Variants in HORMAD2 observed in about 807,000 individuals in gnomAD.
The protein encoded by HORMAD2 is HORMA domain-containing protein 2.
In HORMAD2, 45 loss-of-function variants were observed where a neutral mutation model predicts 38.8. That is an observed-to-expected ratio of 1.16 (90% CI 0.91 to 1.49). The LOEUF (loss-of-function observed/expected upper bound fraction) is 1.49, where lower values mean the gene tolerates loss of function less well. Ranked by LOEUF, HORMAD2 falls within the 40% of genes most tolerant of loss-of-function variation. The pLI, the probability that HORMAD2 is intolerant of heterozygous loss-of-function variation, is 0.00. For missense variants in HORMAD2, 338 were observed against 367.0 expected (o/e 0.92, Z 0.65); for synonymous variants, 126 against 122.8 (o/e 1.03, Z -0.17).
chr22:30,115,865 C>G (rs1402865841), intron 7 of HORMAD2, among the ~76,000 whole-genome samples: 4 of 152,068 alleles, frequency 2.6e-5, no homozygotes, highest in Non-Finnish European at 4.4e-5. Flanking sequence ...TGAGAGGCTA[C>G]TGTTTGAGCT....
intron 8 of HORMAD2, among the ~76,000 whole-genome samples, chr22:30,120,843 G>A (rs927575184): frequency 6.6e-6 from 1 of 152,168 alleles, no homozygotes; most frequent in African/African-American, 2.4e-5. Context: ...AAGTGGAAAA[G>A]CACAGTACAA....
chr22:30,178,268 A>G (rs1926565306), downstream of HORMAD2, among the ~76,000 whole-genome samples: 1 of 152,228 alleles, frequency 6.6e-6, no homozygotes, highest in Non-Finnish European at 1.5e-5. Flanking sequence ...TCAAATCTGA[A>G]TCTATCTAGA....
intron 1 of HORMAD2, among the ~76,000 whole-genome samples, chr22:30,085,168 A>G (rs1224731926): frequency 1.3e-5 from 2 of 151,936 alleles, no homozygotes; most frequent in Non-Finnish European, 2.9e-5. Flanking sequence ...AATGAGCTAA[A>G]CAAGACACAA....
At chr22:30,079,126 T>C (rs113690704), upstream of HORMAD2, among the ~76,000 whole-genome samples, 1 of 152,226 alleles carries the variant, frequency 6.6e-6, no homozygotes, top group Admixed American at 6.5e-5. Flanking sequence ...AGTTTTTTTT[T>C]TCTTTCCTGC....
chr22:30,082,826 A>G (rs923797437), intron 1 of HORMAD2, among the ~76,000 whole-genome samples: 1 of 151,936 alleles, frequency 6.6e-6, no homozygotes, highest in Non-Finnish European at 1.5e-5. Flanking sequence ...AAAAGAAAAG[A>G]AAATGAATAC....
the HORMAD2 span, chr22:30,207,131 G>A: frequency 2.1e-6 from 1 of 469,862 alleles, no homozygotes; most frequent in Non-Finnish European, 4.4e-6. Context: ...GGAATGCAGA[G>A]AATGTGGCTC....
chr22:30,135,030 G>C (rs1923561711), intron 10 of HORMAD2, among the ~76,000 whole-genome samples: 1 of 152,094 alleles, frequency 6.6e-6, no homozygotes, highest in South Asian at 2.1e-4. Flanking sequence ...GCATGTCCAA[G>C]GTTGCCCAAC....
In HORMAD2 at chr22:30,103,649, A is replaced by ATTTTTTTT. The variant is rs71198524; in HGVS notation, c.257+173_257+180dup. 3.0e-3 allele frequency: 224 copies of ATTTTTTTT among 75,326 alleles called. 43 individuals are homozygous for ATTTTTTTT. Among genetic ancestry groups the ATTTTTTTT allele is most frequent in the African/African-American group, 0.012 (90 of 7,690 alleles). The allele number at this position is 75,326 out of a possible 1,614,324, so 4.7% of individuals were successfully genotyped here. A position where few individuals can be genotyped will look rare whatever the true frequency, so the allele number is the denominator to read the frequency against. ...CTTTCTTTTTCTTTTTCTGTTTTTG[A>ATTTTTTTT]TTTTTTTTTTTTTTTTTTTTTTTTT... On this transcript the variant is annotated intron_variant, in intron 4 of 10. Transcript: ENST00000336726.
Position 30,171,517 on chromosome 22 carries a change from C to T in HORMAD2, c.820-4546C>T, listed in dbSNP as rs117711104. On this transcript the variant is annotated intron_variant, in intron 10 of 10. Coordinates refer to ENST00000336726, the MANE Select transcript of HORMAD2 (RefSeq NM_152510.4). The stretch of plus-strand genomic sequence containing the variant: ...ATATCTCTCAATTTTAACTTCTCTC[C>T]ATCTCCACTGCCATGCAAGTTATCA... Among the ~76,000 whole-genome samples, 282 of 152,242 alleles carry T rather than the reference C, an allele frequency of 1.9e-3. 1 individual carries two copies. The highest frequency in any genetic ancestry group is 3.1e-3 in the Non-Finnish European group (208 of 68,022).
intron 10 of HORMAD2, among the ~76,000 whole-genome samples, chr22:30,163,077 G>A (rs1425178569): frequency 2.6e-5 from 4 of 152,120 alleles, no homozygotes; most frequent in South Asian, 4.1e-4. Flanking sequence ...CTTAACATAC[G>A]TCTTACAGAT....
At chr22:30,088,234 C>CATATAT (rs1662095390) in intron 1 of HORMAD2, among the ~76,000 whole-genome samples, 1 of 148,994 alleles carries the variant, frequency 6.7e-6, no homozygotes, top group African/African-American at 2.5e-5. Context: ...TACATATATA[C>CATATAT]ACACATATAT....
intron 4 of HORMAD2, among the ~76,000 whole-genome samples, chr22:30,103,786 C>T (rs956476166): frequency 1.3e-5 from 2 of 149,876 alleles, no homozygotes; most frequent in East Asian, 3.9e-4. Flanking sequence ...CTCAGCCTCC[C>T]GGGTAGCTGG....
At position 30,102,805 on chromosome 22, in the gene HORMAD2, T is replaced by A. The variant is rs529070707; in HGVS notation, c.194-632T>A. On this transcript the variant is annotated intron_variant, in intron 3 of 10. Coordinates refer to ENST00000336726, the MANE Select transcript of HORMAD2 (RefSeq NM_152510.4). ...TATGCCCAGATAATTTTTTTAATTA[T>A]TTTTTTTAGAGGTGAGGTTTCACTA... Among the ~76,000 whole-genome samples the A allele has an allele frequency of 2.0e-5, 3 of 151,976 alleles. No homozygotes were observed. The South Asian group carries it at 6.3e-4, about 32-fold the overall frequency.
At chr22:30,167,336 T>G (rs1317612348) in intron 10 of HORMAD2, among the ~76,000 whole-genome samples, 1 of 152,198 alleles carries the variant, frequency 6.6e-6, no homozygotes, top group African/African-American at 2.4e-5. Flanking sequence ...ATTTTTGCCA[T>G]GTAAGGTCAC....
intron 10 of HORMAD2, among the ~76,000 whole-genome samples, chr22:30,140,514 G>A (rs1361935219): frequency 6.6e-6 from 1 of 152,038 alleles, no homozygotes; most frequent in East Asian, 1.9e-4. Flanking sequence ...GTCAGTTTTG[G>A]TATTTTGTGT....
chr22:30,081,777 G>A (rs1226939399), intron 1 of HORMAD2, among the ~76,000 whole-genome samples: 2 of 151,930 alleles, frequency 1.3e-5, no homozygotes, highest in Admixed American at 6.6e-5. Flanking sequence ...AGTAGAGACA[G>A]GGTTTCACCA....
chr22:30,167,764 C>T (rs577469934), intron 10 of HORMAD2, among the ~76,000 whole-genome samples: 11 of 152,228 alleles, frequency 7.2e-5, no homozygotes, highest in Non-Finnish European at 1.2e-4. Context: ...AAGGGCCCCA[C>T]GAAGAATTCT....
At chr22:30,079,616 C>T (rs1279224622), upstream of HORMAD2, among the ~76,000 whole-genome samples, 1 of 151,972 alleles carries the variant, frequency 6.6e-6, no homozygotes, top group Non-Finnish European at 1.5e-5. Flanking sequence ...AGCGATCCTC[C>T]TACCTCAGCC....
chr22:30,135,858 A>G (rs557716184), intron 10 of HORMAD2, among the ~76,000 whole-genome samples: 1 of 152,240 alleles, frequency 6.6e-6, no homozygotes, highest in Non-Finnish European at 1.5e-5. Flanking sequence ...AGATAACAAA[A>G]TTCAAACATT....
Sources: allele counts gnomAD v4.1 joint callset (sites outside exome capture counted in the v4.1 genomes callset), GRCh38; gene constraint gnomAD v4.1.1; transcripts MANE v1.5; gene names NCBI Gene and HGNC (gene_info 2026-07-23, HGNC 2026-07-21).